Variants in ZFPM2 observed in about 807,000 individuals in gnomAD.
The protein encoded by ZFPM2 is zinc finger protein, FOG family member 2.
A neutral mutation model predicts 98.6 loss-of-function variants in ZFPM2; 20 were observed. The observed-to-expected ratio is 0.20, with a 90% CI of 0.14 to 0.29. The LOEUF (loss-of-function observed/expected upper bound fraction) is 0.29. Among genes scored for constraint, ZFPM2 ranks in the 10% least tolerant of loss-of-function variants. The probability of loss-of-function intolerance (pLI) is 1.00; values close to 1 mark genes in which losing one functional copy is unlikely to be tolerated. For synonymous variants in ZFPM2, 518 were observed against 502.7 expected, an observed-to-expected ratio of 1.03 and a Z score of -0.41; for missense variants, 1,310 against 1,388.6, an observed-to-expected ratio of 0.94 and a Z score of 0.90.
At chr8:105,527,851 A>C in intron 3 of ZFPM2, among the ~76,000 whole-genome samples, 1 of 152,326 alleles carries the variant, frequency 6.6e-6, no homozygotes, top group Middle Eastern at 3.4e-3. Context: ...TGGAAGCATT[A>C]GAATTATGTC....
intron 3 of ZFPM2, among the ~76,000 whole-genome samples, chr8:105,459,788 T>G (rs1812669735): frequency 6.6e-6 from 1 of 152,194 alleles, no homozygotes; most frequent in African/African-American, 2.4e-5. Context: ...CCTTAAAGGC[T>G]ATACCTTCAA....
At chr8:105,744,297 A>G (rs116197823) in intron 5 of ZFPM2, among the ~76,000 whole-genome samples, 1,543 of 152,210 alleles carry the variant, frequency 0.01, 33 homozygotes, top group African/African-American at 0.036. Context: ...TTTCACTGAT[A>G]TTAGTTAAGC....
chr8:105,763,078 T>C (rs1586246339), intron 5 of ZFPM2, among the ~76,000 whole-genome samples: 1 of 149,172 alleles, frequency 6.7e-6, no homozygotes, highest in African/African-American at 2.5e-5. Context: ...TTTTTTTTAG[T>C]TTCCCCTAAT....
intron 1 of ZFPM2, among the ~76,000 whole-genome samples, chr8:105,398,722 C>T (rs1405150088): frequency 3.3e-5 from 5 of 152,076 alleles, no homozygotes; most frequent in Admixed American, 3.3e-4. Context: ...TTATTGCTTC[C>T]CTGGCCACTC....
intron 4 of ZFPM2, among the ~76,000 whole-genome samples, chr8:105,581,862 C>T (rs1019677844): frequency 1.1e-4 from 16 of 152,188 alleles, no homozygotes; most frequent in Non-Finnish European, 2.9e-5. Flanking sequence ...ATGATAATTA[C>T]TCAGAATACT....
intron 4 of ZFPM2, among the ~76,000 whole-genome samples, chr8:105,605,673 A>G (rs1278993790): frequency 6.6e-6 from 1 of 152,104 alleles, no homozygotes; most frequent in Non-Finnish European, 1.5e-5. Flanking sequence ...AATATTTGTC[A>G]TATCAGCCTG....
chr8:105,669,536 A>G (rs6992407), intron 5 of ZFPM2, among the ~76,000 whole-genome samples: 18,686 of 139,192 alleles, frequency 0.13, 2,111 homozygotes, highest in African/African-American at 0.33. Context: ...GAAAGTGTGC[A>G]TGTGTGTGTG....
intron 3 of ZFPM2, among the ~76,000 whole-genome samples, chr8:105,450,697 T>G (rs1812467215): frequency 6.6e-6 from 1 of 151,980 alleles, no homozygotes; most frequent in Admixed American, 6.6e-5. Flanking sequence ...CAGAGAGGAA[T>G]GTGTGTGTAT....
At chr8:105,550,438 C>T (rs1017429484) in intron 3 of ZFPM2, among the ~76,000 whole-genome samples, 1 of 152,148 alleles carries the variant, frequency 6.6e-6, no homozygotes, top group Non-Finnish European at 1.5e-5. Flanking sequence ...GTCCTGGTAT[C>T]ACTACTAATT....
chr8:105,420,314 A>G (rs574639525), intron 2 of ZFPM2, among the ~76,000 whole-genome samples: 2 of 152,228 alleles, frequency 1.3e-5, no homozygotes, highest in African/African-American at 4.8e-5. Flanking sequence ...GTCAATTCAC[A>G]TATCTTGGTG....
At chr8:105,783,080 G>A (rs1379631858) in intron 5 of ZFPM2, among the ~76,000 whole-genome samples, 1 of 152,006 alleles carries the variant, frequency 6.6e-6, no homozygotes. Flanking sequence ...ACTTAATATG[G>A]CCAAATAAAG....
chr8:105,646,297 T>C (rs141704899), intron 5 of ZFPM2, among the ~76,000 whole-genome samples: 1 of 152,154 alleles, frequency 6.6e-6, no homozygotes. Flanking sequence ...GAAGGAATGC[T>C]GTTCAGTTGT....
At chr8:105,332,313 C>G (rs1812248282) in intron 1 of ZFPM2, among the ~76,000 whole-genome samples, 1 of 151,686 alleles carries the variant, frequency 6.6e-6, no homozygotes, top group African/African-American at 2.4e-5. Context: ...TGTAAGCTCT[C>G]TGGGTGTGTG....
At chr8:105,403,289 C>T (rs1195872680) in intron 1 of ZFPM2, among the ~76,000 whole-genome samples, 1 of 151,958 alleles carries the variant, frequency 6.6e-6, no homozygotes, top group Non-Finnish European at 1.5e-5. Context: ...ATTAGTGGGT[C>T]CAGCTCTATA....
chr8:105,761,069 T>C (rs1812725305), intron 5 of ZFPM2, among the ~76,000 whole-genome samples: 1 of 151,956 alleles, frequency 6.6e-6, no homozygotes, highest in Non-Finnish European at 1.5e-5. Flanking sequence ...TCTTGACAAC[T>C]TAAAAATGTA....
intron 1 of ZFPM2, among the ~76,000 whole-genome samples, chr8:105,401,017 A>G (rs1811329168): frequency 6.6e-6 from 1 of 151,624 alleles, no homozygotes; most frequent in Admixed American, 6.6e-5. Context: ...ACCATGATAT[A>G]TTTACTTTGG....
At chr8:105,640,110 A>G (rs1369035096) in intron 5 of ZFPM2, among the ~76,000 whole-genome samples, 1 of 151,956 alleles carries the variant, frequency 6.6e-6, no homozygotes, top group Non-Finnish European at 1.5e-5. Flanking sequence ...TGCTTTTCCC[A>G]TTTTACAGAT....
At chr8:105,499,131 C>G (rs1813535784) in intron 3 of ZFPM2, among the ~76,000 whole-genome samples, 2 of 152,068 alleles carry the variant, frequency 1.3e-5, no homozygotes, top group Non-Finnish European at 2.9e-5. Flanking sequence ...GTTCCCCACC[C>G]TTAGCCCTTC....
At chr8:105,546,278 T>G (rs775047652) in intron 3 of ZFPM2, among the ~76,000 whole-genome samples, 6 of 152,090 alleles carry the variant, frequency 3.9e-5, no homozygotes, top group Non-Finnish European at 8.8e-5. Context: ...TATTCCCAAT[T>G]ACAAAACACT....
Sources: gnomAD v4.1 joint callset for allele counts (sites outside exome capture counted in the v4.1 genomes callset) on GRCh38, gnomAD v4.1.1 for gene constraint, MANE v1.5 for transcripts, NCBI Gene and HGNC (gene_info 2026-07-23, HGNC 2026-07-21) for gene names.